OSBPL10: variants seen among roughly 807,000 people sequenced by gnomAD.
OSBPL10 encodes the protein oxysterol-binding protein-related protein 10.
Under a neutral mutation model 81.7 loss-of-function variants are expected in OSBPL10, and 49 were observed. The ratio of observed to expected loss-of-function variants is 0.60; its 90% confidence interval spans 0.48 to 0.76. OSBPL10 has a LOEUF of 0.76. OSBPL10 is among the 30% of genes least tolerant of loss of function. The pLI, the probability that OSBPL10 is intolerant of heterozygous loss-of-function variation, is 0.00. For synonymous variants in OSBPL10, 419 were observed against 383.6 expected (o/e 1.09, Z -1.08); for missense variants, 923 against 987.8 (o/e 0.93, Z 0.88).
chr3:31,760,504 G>A (rs949128782), intron 4 of OSBPL10, among the ~76,000 whole-genome samples: 2 of 152,168 alleles, frequency 1.3e-5, no homozygotes, highest in Non-Finnish European at 1.5e-5. Context: ...CTAATACAAC[G>A]TAAATTCCAT....
intron 4 of OSBPL10, among the ~76,000 whole-genome samples, chr3:31,791,946 T>C (rs1048256117): frequency 1.3e-5 from 2 of 152,106 alleles, no homozygotes; most frequent in Admixed American, 1.3e-4. Context: ...GTGAGGGATT[T>C]TGAAACGAGC....
At chr3:32,008,055 A>G (rs1699220472) in intron 2 of OSBPL10, among the ~76,000 whole-genome samples, 1 of 152,038 alleles carries the variant, frequency 6.6e-6, no homozygotes. Flanking sequence ...ATAGGGTAAC[A>G]TGTACAGGTT....
chr3:31,728,214 T>C lies in OSBPL10; in HGVS notation c.1095+5043A>G, dbSNP rs576278371. 1.6e-4 allele frequency among the ~76,000 whole-genome samples: 24 copies of C among 152,294 alleles called. 1 individual carries two copies. The South Asian group carries it at 3.9e-3, about 25-fold the overall frequency. ...CTGCTAGATTTGTGGTGGTATAGGGTATGTGGTCTCTTGATAGCATTGTTG... is the reference window on the plus strand; with the variant it reads ...CTGCTAGATTTGTGGTGGTATAGGGCATGTGGTCTCTTGATAGCATTGTTG... On this transcript the variant is annotated intron_variant, in intron 6 of 11. Transcript: ENST00000396556.
chr3:31,682,851 A>G (rs1476764007), intron 8 of OSBPL10, among the ~76,000 whole-genome samples: 2 of 152,188 alleles, frequency 1.3e-5, no homozygotes, highest in Non-Finnish European at 2.9e-5. Flanking sequence ...TGCTCAATAA[A>G]AATGTGCTAA....
At chr3:31,687,202 G>A (rs1700814639) in intron 7 of OSBPL10, among the ~76,000 whole-genome samples, 1 of 152,068 alleles carries the variant, frequency 6.6e-6, no homozygotes, top group Non-Finnish European at 1.5e-5. Context: ...ATACACTGAG[G>A]CCATCAGCCC....
intron 5 of OSBPL10, among the ~76,000 whole-genome samples, chr3:31,746,376 A>T (rs984677787): frequency 6.6e-6 from 1 of 152,164 alleles, no homozygotes; most frequent in Non-Finnish European, 1.5e-5. Context: ...ATAATGGACC[A>T]GATGCTGCAT....
chr3:31,774,780 G>A (rs549840888), intron 4 of OSBPL10, among the ~76,000 whole-genome samples: 1 of 151,474 alleles, frequency 6.6e-6, no homozygotes, highest in East Asian at 2.0e-4. Context: ...CAAAGTGCTG[G>A]GATTACAGGC....
intron 3 of OSBPL10, among the ~76,000 whole-genome samples, chr3:31,836,360 TTCTAAACACACTGTCCTGAA>T (rs548687271): frequency 7.3e-4 from 111 of 152,362 alleles, no homozygotes; most frequent in African/African-American, 2.5e-3. Flanking sequence ...TCTAGCCTGC[TTCTAAACACACTGTCCTGAA>T]TCTATGAGTA....
At position 31,929,871 on chromosome 3, in the gene OSBPL10, T is replaced by G. The variant is rs1697187466; in HGVS notation, c.282-50041A>C. Among the ~76,000 whole-genome samples, 5 of 152,002 alleles carry G rather than the reference T, an allele frequency of 3.3e-5. No homozygotes were observed. The South Asian group carries it at 1.0e-3, about 32-fold the overall frequency. ...TTCACAGGCTGGGCATGGCGACTCATGCCTGTAATCCCAGCTACACAGGAC... is the reference window on the plus strand; with the variant it reads ...TTCACAGGCTGGGCATGGCGACTCAGGCCTGTAATCCCAGCTACACAGGAC... On this transcript the variant is annotated intron_variant, in intron 1 of 11. Transcript: ENST00000396556.
intron 1 of OSBPL10, among the ~76,000 whole-genome samples, chr3:31,915,787 C>T (rs560034148): frequency 2.0e-5 from 3 of 152,070 alleles, no homozygotes; most frequent in South Asian, 4.2e-4. Context: ...TAACCAACCA[C>T]GCAACACCCT....
chr3:31,836,421 G>C (rs1474904685), intron 3 of OSBPL10, among the ~76,000 whole-genome samples: 1 of 152,142 alleles, frequency 6.6e-6, no homozygotes, highest in Non-Finnish European at 1.5e-5. Context: ...CTGAAAAATT[G>C]TCACAAGCAA....
At chr3:31,806,449 CACTT>C (rs1209981742) in intron 4 of OSBPL10, among the ~76,000 whole-genome samples, 2 of 152,228 alleles carry the variant, frequency 1.3e-5, no homozygotes, top group African/African-American at 4.8e-5. Context: ...CATGGTCTTG[CACTT>C]ACTTACCTTC....
At chr3:31,900,057 GCT>G (rs1233396240) in intron 1 of OSBPL10, among the ~76,000 whole-genome samples, 6 of 148,424 alleles carry the variant, frequency 4.0e-5, no homozygotes, top group Non-Finnish European at 8.9e-5. Context: ...ACAGGGTCTG[GCT>G]CTGTCACCCA....
rs566803982 is a variant in OSBPL10, at chr3:31,857,883, GGAGAGAGAGAGAAAGA to G, written c.537+18534_537+18549del. Among the ~76,000 whole-genome samples the G allele has an allele frequency of 2.8e-3, 404 of 143,850 alleles. 1 individual carries two copies. The highest frequency in any genetic ancestry group is 0.011 in the Middle Eastern group (3 of 282). The allele number at this position is 143,850 out of a possible 152,430, so 94.4% of individuals were successfully genotyped here. Reference sequence around the variant, plus strand: ...GAGGGAGAGGGAGAGGGAAAGGGGGGGAGAGAGAGAGAAAGAGAGAGAGAGATACAGAAAAAGTAAG... The same window carrying G: ...GAGGGAGAGGGAGAGGGAAAGGGGGGGAGAGAGAGATACAGAAAAAGTAAG... On this transcript the variant is annotated intron_variant, in intron 3 of 11. Coordinates refer to ENST00000396556, the MANE Select transcript of OSBPL10 (RefSeq NM_017784.5).
In OSBPL10 at chr3:31,959,550, C is replaced by T. The variant is rs9847800; in HGVS notation, c.281+21349G>A. On this transcript the variant is annotated intron_variant, in intron 1 of 11. Transcript: ENST00000396556. Reference sequence around the variant, plus strand: ...TCGCCATCACTCAAAGCAGCTAATACATAAGCCAGAACATCAGATGAGTCT... The same window carrying T: ...TCGCCATCACTCAAAGCAGCTAATATATAAGCCAGAACATCAGATGAGTCT... 9.3e-4 allele frequency among the ~76,000 whole-genome samples: 141 copies of T among 152,058 alleles called. 2 individuals are homozygous for T. Among genetic ancestry groups the T allele is most frequent in the African/African-American group, 3.2e-3 (134 of 41,510 alleles).
intron 7 of OSBPL10, among the ~76,000 whole-genome samples, chr3:31,688,802 G>A (rs1465353251): frequency 6.6e-6 from 1 of 152,294 alleles, no homozygotes; most frequent in Non-Finnish European, 1.5e-5. Context: ...TTTCAGGAAC[G>A]TGTTTTGGGT....
At position 31,733,281 on chromosome 3, in the gene OSBPL10, T is replaced by A; in HGVS notation, c.1071A>T (p.Glu357Asp). Reference sequence around the variant, plus strand: ...CCTCTGGCTCTGGCTGTGAGGTTTGTTCGTCTTCAGCAGAGTTTGGTAAAA... The same window carrying A: ...CCTCTGGCTCTGGCTGTGAGGTTTGATCGTCTTCAGCAGAGTTTGGTAAAA... ...WAILPNSAED[E>D]QTSQPEPEPN... Residue 357 changes from glutamate to aspartate, a missense_variant, in exon 6 of 12, where the codon GAA becomes GAT. Physicochemically the swap from Glu to Asp is conservative, Grantham distance 45 (BLOSUM62 2). Transcript: ENST00000396556. The A allele has an allele frequency of 6.2e-7, 1 of 1,613,230 alleles. No homozygotes were observed. The highest frequency in any genetic ancestry group is 8.5e-7 in the Non-Finnish European group (1 of 1,179,836).
Position 31,662,134 on chromosome 3 carries a change from A to G in OSBPL10, c.2251-18T>C, listed in dbSNP as rs1197952353. On this transcript the variant is annotated intron_variant, in intron 11 of 11. Transcript: ENST00000396556. ...CCATCGCCCTGCAAGAGAAGAAAGGAGGCATTATTACATGGAGACCTCTCA... is the reference window on the plus strand; with the variant it reads ...CCATCGCCCTGCAAGAGAAGAAAGGGGGCATTATTACATGGAGACCTCTCA... 1.2e-6 allele frequency: 2 copies of G among 1,614,016 alleles called. No individual in the cohort carries two copies. Among genetic ancestry groups the G allele is most frequent in the African/African-American group, 1.3e-5 (1 of 75,038 alleles).
At chr3:31,912,617 C>T (rs1269636849) in intron 1 of OSBPL10, among the ~76,000 whole-genome samples, 4 of 152,200 alleles carry the variant, frequency 2.6e-5, no homozygotes, top group Non-Finnish European at 4.4e-5. Flanking sequence ...CTCTTGAAGC[C>T]TTGAAGTATT....
Sources: allele counts gnomAD v4.1 joint callset (sites outside exome capture counted in the v4.1 genomes callset), GRCh38; gene constraint gnomAD v4.1.1; transcripts MANE v1.5; gene names NCBI Gene and HGNC (gene_info 2026-07-23, HGNC 2026-07-21).